PIEZO1: variants seen among roughly 807,000 people sequenced by gnomAD.
PIEZO1 encodes the protein piezo-type mechanosensitive ion channel component 1.
A neutral mutation model predicts 297.2 loss-of-function variants in PIEZO1; 296 were observed. The ratio of observed to expected loss-of-function variants is 1.00; its 90% CI spans 0.91 to 1.10. The LOEUF (loss-of-function observed/expected upper bound fraction) is 1.10. Ranked by LOEUF, PIEZO1 falls within the 50% of genes least tolerant of loss-of-function variation. The probability of loss-of-function intolerance (pLI) is 0.00; values close to 1 mark genes in which losing one functional copy is unlikely to be tolerated. For missense variants in PIEZO1, 5,018 were observed against 3,455.5 expected (o/e 1.45, Z -11.34); for synonymous variants, 2,427 against 1,507.5 (o/e 1.61, Z -14.13).
At position 88,750,605 on chromosome 16, in the gene PIEZO1, G is replaced by C. The variant is rs1467848345; in HGVS notation, c.65-1126C>G. Among the ~76,000 whole-genome samples the C allele has an allele frequency of 6.6e-5, 10 of 152,324 alleles. No individual in the cohort carries two copies. The East Asian group carries it at 1.9e-3, about 29-fold the overall frequency. Reference sequence around the variant, plus strand: ...CACAGCTCCCACCCGGGGTCTCCCTGGCACTTGCACTGATCTGATAAGGTC... The same window carrying C: ...CACAGCTCCCACCCGGGGTCTCCCTCGCACTTGCACTGATCTGATAAGGTC... On this transcript the variant is annotated intron_variant, in intron 1 of 50. Transcript: ENST00000301015.
Position 88,751,617 on chromosome 16 carries a change from T to C in PIEZO1, c.65-2138A>G, listed in dbSNP as rs531570004. 4.9e-4 allele frequency among the ~76,000 whole-genome samples: 75 copies of C among 151,890 alleles called. 1 individual carries two copies. The highest frequency in any genetic ancestry group is 7.8e-4 in the Non-Finnish European group (53 of 67,990). On this transcript the variant is annotated intron_variant, in intron 1 of 50. Coordinates refer to ENST00000301015, the MANE Select transcript of PIEZO1 (RefSeq NM_001142864.4). ...CTTCCTCCCATTAACGCACCAAGCA[T>C]AGCCATCGGCTCCATGCTTTTAAAT...
chr16:88,719,434 G>T, intron 44 of PIEZO1, 140 bp downstream of exon 44: 1 of 714,340 alleles, frequency 1.4e-6, no homozygotes. Flanking sequence ...GCTAGTGGGT[G>T]GGCTCGCCTC....
chr16:88,720,401 C>T lies in PIEZO1; in HGVS notation c.5933G>A (p.Gly1978Asp). Reference sequence around the variant, plus strand: ...CTGGCTCACCCCAAAGGCCCAGAAGCCAAAAATGATGATGATGAAGTCGAC... The same window carrying T: ...CTGGCTCACCCCAAAGGCCCAGAAGTCAAAAATGATGATGATGAAGTCGAC... ...DVVDFIIIIF[G>D]FWAFGKHSAA... Residue 1978 changes from glycine (G) to aspartate (D), a missense_variant, in exon 41 of 51, where the codon GGC becomes GAC. By Grantham distance (94) the Gly-to-Asp change is moderately conservative. Coordinates refer to ENST00000301015, the MANE Select transcript of PIEZO1 (RefSeq NM_001142864.4). 1 of 1,550,232 alleles carries T rather than the reference C, an allele frequency of 6.5e-7. No individual in the cohort carries two copies. The highest frequency in any genetic ancestry group is 8.7e-7 in the Non-Finnish European group (1 of 1,146,888).
At chr16:88,727,344 G>A (rs958404269) in intron 23 of PIEZO1, among the ~76,000 whole-genome samples, 152 bp from the exon 24 acceptor site, 1 of 152,250 alleles carries the variant, frequency 6.6e-6, no homozygotes, top group Non-Finnish European at 1.5e-5. Flanking sequence ...GTGTCCCTGG[G>A]GGAGCCCCGG....
At chr16:88,767,994 G>T (rs1907250827) in intron 1 of PIEZO1, among the ~76,000 whole-genome samples, 1 of 152,192 alleles carries the variant, frequency 6.6e-6, no homozygotes, top group African/African-American at 2.4e-5. Flanking sequence ...AGGTCCCTGA[G>T]ATTTCCCCCA....
chr16:88,716,281 C>G lies in PIEZO1; in HGVS notation c.7050-4G>C. The stretch of plus-strand genomic sequence containing the variant: ...GGGGAAGAGATTAGGGATGACCCTG[C>G]AGGGAGGTGCTGGCAGGTCAGGCCT... On this transcript the variant is annotated splice_polypyrimidine_tract_variant and splice_region_variant and intron_variant, in intron 48 of 50. Coordinates refer to ENST00000301015, the MANE Select transcript of PIEZO1 (RefSeq NM_001142864.4). 6.7e-7 allele frequency: 1 copy of G among 1,490,198 alleles called. No homozygotes were observed. The highest frequency in any genetic ancestry group is 9.0e-7 in the Non-Finnish European group (1 of 1,114,554). The allele number at this position is 1,490,198 out of a possible 1,614,324, so 92.3% of individuals were successfully genotyped here.
In PIEZO1 at chr16:88,773,006, C is replaced by T. The variant is rs550458990; in HGVS notation, c.64+11895G>A. 7.2e-5 allele frequency among the ~76,000 whole-genome samples: 11 copies of T among 152,342 alleles called. No individual in the cohort carries two copies. The East Asian group carries it at 2.1e-3, about 29-fold the overall frequency. The stretch of plus-strand genomic sequence containing the variant: ...CCCAGGGGTGCCTGGAAGACTGTGT[C>T]AGCCTCTGGAATGTGAGGCGGCCTG... On this transcript the variant is annotated intron_variant, in intron 1 of 50. Transcript: ENST00000301015.
chr16:88,778,015 C>A (rs1567489884), intron 1 of PIEZO1, among the ~76,000 whole-genome samples: 2 of 152,250 alleles, frequency 1.3e-5, no homozygotes, highest in African/African-American at 4.8e-5. Context: ...TCCGGGAGCT[C>A]CTGCGGGCCT....
chr16:88,749,904 T>G (rs1232859759), intron 1 of PIEZO1, among the ~76,000 whole-genome samples: 3 of 151,586 alleles, frequency 2.0e-5, no homozygotes, highest in Admixed American at 2.0e-4. Flanking sequence ...GGCGGGCACC[T>G]GTAATCCCAG....
At chr16:88,759,004 CT>C (rs1357421128) in intron 1 of PIEZO1, among the ~76,000 whole-genome samples, 1 of 152,248 alleles carries the variant, frequency 6.6e-6, no homozygotes, top group South Asian at 2.1e-4. Context: ...GCGTCTGCTC[CT>C]GCAGAAGAGG....
intron 1 of PIEZO1, among the ~76,000 whole-genome samples, chr16:88,758,432 T>A (rs1465845284): frequency 6.6e-6 from 1 of 152,124 alleles, no homozygotes; most frequent in Non-Finnish European, 1.5e-5. Context: ...CACTCAGCCA[T>A]CCCCAGGGCT....
chr16:88,758,909 C>T (rs145971775), intron 1 of PIEZO1, among the ~76,000 whole-genome samples: 137 of 152,356 alleles, frequency 9.0e-4, no homozygotes, highest in Admixed American at 5.1e-3. Flanking sequence ...GAGAGTCAGA[C>T]GCCTACCATT....
chr16:88,777,798 G>C (rs556973226), intron 1 of PIEZO1, among the ~76,000 whole-genome samples: 16 of 152,266 alleles, frequency 1.1e-4, no homozygotes, highest in African/African-American at 3.6e-4. Flanking sequence ...GTGAGACCAA[G>C]ACCAGACCTG....
chr16:88,723,229 T>C lies in PIEZO1; in HGVS notation c.4435A>G (p.Thr1479Ala). Residue 1479 changes from threonine to alanine, a missense_variant, in exon 32 of 51, where the codon ACA becomes GCA. Transcript: ENST00000301015. ...GTCCCCACGCCCCCCAGCTCACCTG[T>C]GGGTAGCTGTCCTGCCTGTTCCTGC... ...ARQEQAGQLP[T>A]GGGPSQEVEP... 1 of 1,547,474 alleles carries C rather than the reference T, an allele frequency of 6.5e-7. No individual in the cohort carries two copies. Among genetic ancestry groups the C allele is most frequent in the Non-Finnish European group, 8.7e-7 (1 of 1,146,790 alleles).
chr16:88,734,142 CT>C (rs1262183631), intron 16 of PIEZO1, 88 bp from the exon 17 acceptor site: 3 of 934,788 alleles, frequency 3.2e-6, no homozygotes, highest in Non-Finnish European at 2.7e-6. Flanking sequence ...GGCACCGCTT[CT>C]GCTGCAGCTG....
At chr16:88,746,135 G>A (rs114403992) in intron 2 of PIEZO1, among the ~76,000 whole-genome samples, 256 of 152,328 alleles carry the variant, frequency 1.7e-3, no homozygotes, top group African/African-American at 6.0e-3. Flanking sequence ...GAGCCATGAG[G>A]CCCACCCAGC....
intron 2 of PIEZO1, chr16:88,743,978 C>T: frequency 3.9e-6 from 1 of 256,116 alleles, no homozygotes; most frequent in South Asian, 3.8e-5. Flanking sequence ...GGGTGCTGTG[C>T]AGGGCTCCCG....
At chr16:88,734,591 C>T in intron 15 of PIEZO1, 53 bp from the exon 16 acceptor site, 2 of 1,547,386 alleles carry the variant, frequency 1.3e-6, no homozygotes, top group Non-Finnish European at 1.7e-6. Context: ...GCCGCTGCAG[C>T]CCCGGGGAAG....
intron 47 of PIEZO1, 34 bp downstream of exon 47, chr16:88,716,525 C>T: frequency 2.6e-6 from 4 of 1,535,502 alleles, no homozygotes; most frequent in Non-Finnish European, 3.5e-6. Context: ...AGTGGGTCCA[C>T]CCACCCAGGC....
Sources: gnomAD v4.1 joint callset for allele counts (sites outside exome capture counted in the v4.1 genomes callset) on GRCh38, gnomAD v4.1.1 for gene constraint, MANE v1.5 for transcripts, NCBI Gene and HGNC (gene_info 2026-07-23, HGNC 2026-07-21) for gene names.